ZNF16: variants seen among roughly 807,000 people sequenced by gnomAD.
ZNF16 encodes the protein zinc finger protein 16.
ZNF16 carries 7 observed loss-of-function variants against 9.0 expected under a neutral mutation model. The observed-to-expected ratio is 0.78, with a 90% CI of 0.44 to 1.47. The LOEUF (loss-of-function observed/expected upper bound fraction) is 1.47, where lower values mean the gene tolerates loss of function less well. Among genes scored for constraint, ZNF16 ranks in the 40% most tolerant of loss-of-function variants. ZNF16 has a pLI of 0.01. For missense variants in ZNF16, 830 were observed against 854.2 expected, an observed-to-expected ratio of 0.97 and a Z score of 0.35; for synonymous variants, 312 against 301.5, an observed-to-expected ratio of 1.03 and a Z score of -0.36.
At chr8:144,934,842 C>A (rs1290776495) in intron 2 of ZNF16, among the ~76,000 whole-genome samples, 3 of 152,166 alleles carry the variant, frequency 2.0e-5, no homozygotes, top group Non-Finnish European at 4.4e-5. Flanking sequence ...ATATGGTCTT[C>A]TTTGTTGTTT....
chr8:144,942,704 A>T (rs971084251), intron 2 of ZNF16, among the ~76,000 whole-genome samples: 6 of 152,204 alleles, frequency 3.9e-5, no homozygotes, highest in African/African-American at 1.4e-4. Context: ...TTCTCTACAG[A>T]TGTTACCCCC....
chr8:144,937,676 G>A (rs936910841), intron 2 of ZNF16, among the ~76,000 whole-genome samples: 4 of 152,034 alleles, frequency 2.6e-5, no homozygotes, highest in African/African-American at 9.7e-5. Flanking sequence ...TAAGGTAGGG[G>A]TTCACCTTCA....
intron 2 of ZNF16, among the ~76,000 whole-genome samples, chr8:144,936,437 T>C (rs1210613303): frequency 6.6e-6 from 1 of 152,220 alleles, no homozygotes; most frequent in Non-Finnish European, 1.5e-5. Flanking sequence ...CTAGGAGTAG[T>C]ACTATGTTCA....
chr8:144,949,568 A>G (rs1301565576), intron 1 of ZNF16, among the ~76,000 whole-genome samples: 1 of 152,184 alleles, frequency 6.6e-6, no homozygotes, highest in South Asian at 2.1e-4. Flanking sequence ...TTAATTTGTA[A>G]CTTTGCCCCA....
At position 144,930,761 on chromosome 8, in the gene ZNF16, G is replaced by A; in HGVS notation, c.2026C>T (p.Gln676Ter). ...FSQRSKLIKHQLIHTRE is the reference protein window; with the variant it reads ...FSQRSKLIKH ...GCCTATTCCCTGGTGTGAATCAACT[G>A]GTGTTTGATCAACTTTGATCGCTGG... The change falls in exon 3 of 3, where the codon CAG becomes TAG. Residue 676 changes from glutamine (Q) to a stop codon, truncating the protein, a stop_gained. Transcript: ENST00000394909. LOFTEE classifies it high-confidence loss of function. The A allele has an allele frequency of 2.0e-6, 3 of 1,531,628 alleles. No individual in the cohort carries two copies. Among genetic ancestry groups the A allele is most frequent in the South Asian group, 1.3e-5 (1 of 76,326 alleles). The allele number at this position is 1,531,628 out of a possible 1,614,324, so 94.9% of individuals were successfully genotyped here. A position where few individuals can be genotyped will look rare whatever the true frequency, so the allele number is the denominator to read the frequency against.
intron 2 of ZNF16, chr8:144,944,535 C>T (rs1833882375): frequency 6.6e-6 from 1 of 152,278 alleles, no homozygotes; most frequent in Admixed American, 6.5e-5. Context: ...TGGTTTCTTT[C>T]ACCTCTCTGA....
chr8:144,950,575 G>A (rs1023026650), intron 1 of ZNF16: 23 of 152,124 alleles, frequency 1.5e-4, no homozygotes, highest in Non-Finnish European at 3.2e-4. Flanking sequence ...CCCCCTACCG[G>A]AGGCAGCCCC....
At chr8:144,944,094 G>A (rs1457134330) in intron 2 of ZNF16, 2 of 143,132 alleles carry the variant, frequency 1.4e-5, no homozygotes, top group South Asian at 2.2e-4. Context: ...TTCTTGAGAC[G>A]GAGTCTCACT....
intron 1 of ZNF16, among the ~76,000 whole-genome samples, chr8:144,949,241 C>A (rs562025694): frequency 6.6e-6 from 1 of 152,366 alleles, no homozygotes; most frequent in East Asian, 1.9e-4. Flanking sequence ...CCCAAACTCT[C>A]CTCCCTTCCC....
At chr8:144,934,125 G>T (rs1244759656) in intron 2 of ZNF16, among the ~76,000 whole-genome samples, 1 of 152,144 alleles carries the variant, frequency 6.6e-6, no homozygotes, top group Non-Finnish European at 1.5e-5. Context: ...TGTTCCCAAG[G>T]AGCTGTGGTG....
chr8:144,934,758 G>A (rs1833640910), intron 2 of ZNF16, among the ~76,000 whole-genome samples: 2 of 152,214 alleles, frequency 1.3e-5, no homozygotes, highest in South Asian at 4.1e-4. Flanking sequence ...AACACAGACA[G>A]GAGTCAGGAA....
chr8:144,944,490 C>T (rs1415039555), intron 2 of ZNF16: 1 of 152,336 alleles, frequency 6.6e-6, no homozygotes, highest in Non-Finnish European at 1.5e-5. Flanking sequence ...TGCTGGGTTA[C>T]AGGTGTGAGC....
chr8:144,948,971 C>G (rs1586962833), intron 1 of ZNF16, among the ~76,000 whole-genome samples: 1 of 152,370 alleles, frequency 6.6e-6, no homozygotes, highest in South Asian at 2.1e-4. Context: ...TGAGAAAGAT[C>G]TGAGGGCCAC....
chr8:144,942,043 T>C (rs1175601220), intron 2 of ZNF16, among the ~76,000 whole-genome samples: 8 of 148,090 alleles, frequency 5.4e-5, no homozygotes, highest in Admixed American at 4.1e-4. Flanking sequence ...AGTGGCGCGA[T>C]CTTGGCTCAT....
chr8:144,936,727 ATTTAT>A (rs1362189605), intron 2 of ZNF16, among the ~76,000 whole-genome samples: 1 of 151,466 alleles, frequency 6.6e-6, no homozygotes, highest in Non-Finnish European at 1.5e-5. Flanking sequence ...TTATTTATTT[ATTTAT>A]TTATTTATTT....
At chr8:144,944,446 CGTGGTGCTGGGTT>C (rs1833879961) in intron 2 of ZNF16, 1 of 146,780 alleles carries the variant, frequency 6.8e-6, no homozygotes, top group Non-Finnish European at 1.5e-5. Flanking sequence ...CGTGAGCCAC[CGTGGTGCTGGGTT>C]ACAGGTGTGA....
Position 144,931,225 on chromosome 8 carries a change from T to C in ZNF16, c.1562A>G (p.Glu521Gly). The change falls in exon 3 of 3, where the codon GAG becomes GGG. Residue 521 changes from glutamate (E) to glycine (G), a missense_variant. By Grantham distance (98) the Glu-to-Gly change is moderately conservative. Coordinates refer to ENST00000394909, the MANE Select transcript of ZNF16 (RefSeq NM_006958.3). ...HTGDKPYACH[E>G]CGKTFGRSSN... ...GCTGCGACCAAAGGTCTTCCCACAC[T>C]CGTGGCAGGCGTAGGGCTTGTCGCC... 6.2e-7 allele frequency: 1 copy of C among 1,613,764 alleles called. No homozygotes were observed. The highest frequency in any genetic ancestry group is 8.5e-7 in the Non-Finnish European group (1 of 1,179,906).
intron 1 of ZNF16, among the ~76,000 whole-genome samples, chr8:144,946,978 G>A (rs1354896361): frequency 5.6e-5 from 6 of 107,706 alleles, no homozygotes; most frequent in African/African-American, 2.4e-4. Flanking sequence ...CTGTGGGCCT[G>A]TGTCCTGCTG....
At chr8:144,949,962 T>C (rs1418182751) in intron 1 of ZNF16, among the ~76,000 whole-genome samples, 3 of 152,146 alleles carry the variant, frequency 2.0e-5, no homozygotes, top group Non-Finnish European at 1.5e-5. Context: ...TGCCTGCCCC[T>C]GGGAACTGAA....
Sources: gnomAD v4.1 joint callset for allele counts (sites outside exome capture counted in the v4.1 genomes callset) on GRCh38, gnomAD v4.1.1 for gene constraint, MANE v1.5 for transcripts, NCBI Gene and HGNC (gene_info 2026-07-23, HGNC 2026-07-21) for gene names.